Variants in NELFA observed in about 807,000 individuals in gnomAD.
NELFA encodes the protein negative elongation factor complex member A.
Under a neutral mutation model 51.8 loss-of-function variants are expected in NELFA, and 35 were observed. That is an observed-to-expected ratio of 0.68 (90% CI 0.52 to 0.90). NELFA has a LOEUF of 0.90. Among genes scored for constraint, NELFA ranks in the 40% least tolerant of loss-of-function variants. The pLI is 0.00. For synonymous variants in NELFA, 417 were observed against 338.4 expected, an observed-to-expected ratio of 1.23 and a Z score of -2.55; for missense variants, 658 against 746.4, an observed-to-expected ratio of 0.88 and a Z score of 1.38.
chr4:1,994,099 A>G (rs1728358282), intron 1 of NELFA, among the ~76,000 whole-genome samples: 1 of 152,162 alleles, frequency 6.6e-6, no homozygotes, highest in Non-Finnish European at 1.5e-5. Flanking sequence ...GCTGTTTACT[A>G]AGCTTTTCAG....
chr4:1,985,695 CAG>C, intron 7 of NELFA, 79 bp downstream of exon 7: 7 of 1,055,502 alleles, frequency 6.6e-6, no homozygotes, highest in Non-Finnish European at 1.0e-5. Flanking sequence ...TATTCTCCGA[CAG>C]AGCACACTAG....
intron 6 of NELFA, 110 bp from the exon 7 acceptor site, chr4:1,985,974 G>A: frequency 7.4e-7 from 1 of 1,344,482 alleles, no homozygotes; most frequent in East Asian, 2.5e-5. Flanking sequence ...CAAGGAGCGA[G>A]GAGAAAAGCA....
chr4:2,007,145 T>C, intron 1 of NELFA: 1 of 433,836 alleles, frequency 2.3e-6, no homozygotes, highest in Non-Finnish European at 4.7e-6. Context: ...AGGTCAAGGC[T>C]GCAGTGAGTC....
At position 1,982,924 on chromosome 4, in the gene NELFA, A is replaced by C. The variant is rs972250749; in HGVS notation, c.*395T>G. The C allele has an allele frequency of 4.8e-5, 8 of 167,284 alleles. No homozygotes were observed. Among genetic ancestry groups the C allele is most frequent in the Non-Finnish European group, 7.7e-5 (6 of 78,126 alleles). 10.4% of individuals were successfully genotyped at this position (167,284 alleles called of 1,614,324 possible). ...GCCGCACCCCCAGTACCACCGTGCC[A>C]CCTTGGTCCCCTCAACCCTGGGGGT... On this transcript the variant is annotated 3_prime_UTR_variant, in exon 11 of 11. Transcript: ENST00000382882.
chr4:1,999,065 G>C (rs1307480179), intron 1 of NELFA, among the ~76,000 whole-genome samples: 1 of 152,012 alleles, frequency 6.6e-6, no homozygotes, highest in East Asian at 1.9e-4. Context: ...CATAAGTGAA[G>C]GAGAAATAAA....
At chr4:1,995,331 C>A (rs898431694) in intron 1 of NELFA, among the ~76,000 whole-genome samples, 7 of 152,174 alleles carry the variant, frequency 4.6e-5, no homozygotes, top group African/African-American at 1.7e-4. Context: ...AGAACCCTGA[C>A]TGATACACTG....
In NELFA at chr4:1,982,836, G is replaced by C. The variant is rs1032680015; in HGVS notation, c.*483C>G. On this transcript the variant is annotated 3_prime_UTR_variant, in exon 11 of 11. Coordinates refer to ENST00000382882, the MANE Select transcript of NELFA (RefSeq NM_005663.5). ...ACAAAAGATGAATACAAAACTCCCA[G>C]GCAGGCACAGGCAGGGGACAAGGCC... 6.5e-6 allele frequency: 1 copy of C among 153,980 alleles called. No individual in the cohort carries two copies. The highest frequency in any genetic ancestry group is 6.5e-5 in the Admixed American group (1 of 15,356). 9.5% of individuals were successfully genotyped at this position (153,980 alleles called of 1,614,324 possible). A position where few individuals can be genotyped will look rare whatever the true frequency, so the allele number is the denominator to read the frequency against.
At chr4:2,002,167 TC>T (rs577388660) in intron 1 of NELFA, among the ~76,000 whole-genome samples, 39 of 151,432 alleles carry the variant, frequency 2.6e-4, no homozygotes, top group Non-Finnish European at 5.2e-4. Context: ...GCCACTGCAC[TC>T]CAGCCTGGGC....
In NELFA at chr4:2,006,401, A is replaced by G. The variant is rs140096910; in HGVS notation, c.210+2349T>C. ...TTCCGGGCATGTCCCTCGGGGAGAC[A>G]CAATAGGCACCAATGATAGTGGGCG... On this transcript the variant is annotated intron_variant, in intron 1 of 10. Coordinates refer to ENST00000382882, the MANE Select transcript of NELFA (RefSeq NM_005663.5). Among the ~76,000 whole-genome samples the G allele has an allele frequency of 1.0e-3, 156 of 152,312 alleles. 2 individuals carry two copies. In the Middle Eastern group the frequency reaches 0.051, roughly 50 times the overall value.
intron 1 of NELFA, chr4:1,992,555 G>C (rs758807226): frequency 2.9e-6 from 1 of 345,442 alleles, no homozygotes; most frequent in South Asian, 2.0e-5. Flanking sequence ...GCTGGCTGGC[G>C]CTGGGGGTGA....
intron 1 of NELFA, among the ~76,000 whole-genome samples, chr4:1,996,939 T>C (rs761056894): frequency 6.6e-6 from 1 of 151,504 alleles, no homozygotes; most frequent in Non-Finnish European, 1.5e-5. Flanking sequence ...ACACTCTCTC[T>C]ACAAAAAATT....
At chr4:2,006,768 CAAA>C (rs57055347) in intron 1 of NELFA, among the ~76,000 whole-genome samples, 1 of 79,752 alleles carries the variant, frequency 1.3e-5, no homozygotes. Flanking sequence ...GACGCTGTCT[CAAA>C]AAAAAAAAAA....
chr4:1,993,578 C>CAAAAA (rs113717027), intron 1 of NELFA, among the ~76,000 whole-genome samples: 8 of 109,888 alleles, frequency 7.3e-5, no homozygotes, highest in African/African-American at 2.7e-4. Flanking sequence ...AACTCCATCT[C>CAAAAA]AAAAAAAAAA....
At chr4:1,988,151 G>A (rs948909215) in intron 3 of NELFA, 144 bp from the exon 4 acceptor site, 49 of 669,822 alleles carry the variant, frequency 7.3e-5, no homozygotes, top group South Asian at 4.9e-4. Context: ...GTTCCGAGCC[G>A]GGCCTGACAC....
chr4:2,005,969 G>A (rs536209991), intron 1 of NELFA, among the ~76,000 whole-genome samples: 2 of 152,308 alleles, frequency 1.3e-5, no homozygotes, highest in Admixed American at 6.5e-5. Flanking sequence ...CCAGCAGGCA[G>A]GCTCTACGTG....
At chr4:2,002,118 T>C (rs1156653661) in intron 1 of NELFA, among the ~76,000 whole-genome samples, 3 of 151,336 alleles carry the variant, frequency 2.0e-5, no homozygotes, top group African/African-American at 7.3e-5. Flanking sequence ...GAGAATGGCG[T>C]GAACCCGGGA....
chr4:1,985,015 T>A, intron 7 of NELFA, 96 bp from the exon 8 acceptor site: 2 of 880,790 alleles, frequency 2.3e-6, no homozygotes, highest in Non-Finnish European at 3.4e-6. Context: ...CCACAGGCTG[T>A]GGCCCCCCGA....
At chr4:1,986,540 A>G in intron 4 of NELFA, 138 bp from the exon 5 acceptor site, 1 of 1,384,892 alleles carries the variant, frequency 7.2e-7, no homozygotes. Context: ...AGCGGGCAGG[A>G]CCCCCAGGAT....
chr4:1,984,058 G>A lies in NELFA; in HGVS notation c.1092C>T (p.Pro364=), dbSNP rs1210977279. ...GCTGCTTGAACTGCGCTGGCAACGT[G>A]GGGCTCGGGGCGCTGGGCTCCTCTG... ...RPPEEPSAPS[P]TLPAQFKQRA... The change falls in exon 9 of 11, where the codon CCC becomes CCT. Residue 364 remains proline, a synonymous_variant. Coordinates refer to ENST00000382882, the MANE Select transcript of NELFA (RefSeq NM_005663.5). The A allele has an allele frequency of 2.5e-6, 4 of 1,600,624 alleles. No individual in the cohort carries two copies. The highest frequency in any genetic ancestry group is 1.9e-4 in the Middle Eastern group (1 of 5,398).
Sources: gnomAD v4.1 joint callset for allele counts (sites outside exome capture counted in the v4.1 genomes callset) on GRCh38, gnomAD v4.1.1 for gene constraint, MANE v1.5 for transcripts, NCBI Gene and HGNC (gene_info 2026-07-23, HGNC 2026-07-21) for gene names.